PPP1R9A: variants seen among roughly 807,000 people sequenced by gnomAD.
PPP1R9A encodes the protein protein phosphatase 1 regulatory subunit 9A.
In PPP1R9A, 59 loss-of-function variants were observed where a neutral mutation model predicts 141.9. The observed-to-expected ratio is 0.42, with a 90% CI of 0.34 to 0.52. The LOEUF (loss-of-function observed/expected upper bound fraction) is 0.52. PPP1R9A is among the 20% of genes least tolerant of loss of function. The probability of loss-of-function intolerance (pLI) is 0.10; values close to 1 mark genes in which losing one functional copy is unlikely to be tolerated. For missense variants in PPP1R9A, 1,444 were observed against 1,611.9 expected, an observed-to-expected ratio of 0.90 and a Z score of 1.78; for synonymous variants, 500 against 569.7, an observed-to-expected ratio of 0.88 and a Z score of 1.74.
chr7:95,239,236 G>A (rs1056258861), intron 8 of PPP1R9A, among the ~76,000 whole-genome samples: 3 of 152,048 alleles, frequency 2.0e-5, no homozygotes, highest in Non-Finnish European at 4.4e-5. Flanking sequence ...GGTTATCTAT[G>A]TTGATGGCAT....
At chr7:95,122,638 G>T (rs911861169) in intron 4 of PPP1R9A, among the ~76,000 whole-genome samples, 21 of 152,270 alleles carry the variant, frequency 1.4e-4, no homozygotes, top group African/African-American at 5.1e-4. Flanking sequence ...CATAGAGAAG[G>T]TTTGAAATAA....
chr7:95,191,187 C>T (rs1835445108), intron 5 of PPP1R9A, among the ~76,000 whole-genome samples: 1 of 152,092 alleles, frequency 6.6e-6, no homozygotes, highest in Non-Finnish European at 1.5e-5. Flanking sequence ...GATACCTACA[C>T]TCCAAAGAAC....
chr7:95,246,149 T>C (rs1798089588), intron 8 of PPP1R9A, among the ~76,000 whole-genome samples: 1 of 152,160 alleles, frequency 6.6e-6, no homozygotes, highest in African/African-American at 2.4e-5. Context: ...GGTTCTTCCA[T>C]CTTCCCTTTA....
chr7:95,100,376 GT>G (rs1818602145), intron 2 of PPP1R9A, among the ~76,000 whole-genome samples: 1 of 152,166 alleles, frequency 6.6e-6, no homozygotes, highest in African/African-American at 2.4e-5. Context: ...TTTTGTATAT[GT>G]TTGAATATGA....
chr7:95,045,458 C>T (rs958929362), intron 2 of PPP1R9A, among the ~76,000 whole-genome samples: 1 of 152,204 alleles, frequency 6.6e-6, no homozygotes, highest in African/African-American at 2.4e-5. Context: ...GGTGAGCATG[C>T]GCAGTGTGTT....
At chr7:95,152,258 A>G (rs1828837072) in intron 4 of PPP1R9A, among the ~76,000 whole-genome samples, 1 of 152,128 alleles carries the variant, frequency 6.6e-6, no homozygotes, top group African/African-American at 2.4e-5. Flanking sequence ...CCTGAAAATC[A>G]TTCTGATGAG....
chr7:95,043,331 A>AAT (rs1161773285), intron 2 of PPP1R9A, among the ~76,000 whole-genome samples: 1 of 152,182 alleles, frequency 6.6e-6, no homozygotes, highest in South Asian at 2.1e-4. Context: ...CATTTCACTA[A>AAT]ATACCCTTGC....
intron 2 of PPP1R9A, among the ~76,000 whole-genome samples, chr7:94,953,358 G>A (rs1192979724): frequency 2.6e-5 from 4 of 152,148 alleles, no homozygotes; most frequent in Non-Finnish European, 5.9e-5. Flanking sequence ...TTTAGTTACT[G>A]TAGCCTTGTA....
intron 11 of PPP1R9A, 34 bp downstream of exon 11, chr7:95,251,892 G>T: frequency 2.5e-6 from 4 of 1,611,004 alleles, no homozygotes; most frequent in Non-Finnish European, 3.4e-6. Context: ...TAAATAATAA[G>T]ATGGTTTTGC....
At chr7:94,938,107 T>A (rs1412874164) in intron 2 of PPP1R9A, among the ~76,000 whole-genome samples, 1 of 152,136 alleles carries the variant, frequency 6.6e-6, no homozygotes, top group Non-Finnish European at 1.5e-5. Context: ...GCCTGTTAGA[T>A]ACTGGGCTGC....
intron 2 of PPP1R9A, among the ~76,000 whole-genome samples, chr7:95,015,269 C>CAT (rs777105703): frequency 1.3e-5 from 2 of 151,096 alleles, no homozygotes; most frequent in Non-Finnish European, 3.0e-5. Context: ...CATACATATA[C>CAT]ATATATATCT....
At chr7:95,063,253 G>A (rs1812488271) in intron 2 of PPP1R9A, among the ~76,000 whole-genome samples, 1 of 152,136 alleles carries the variant, frequency 6.6e-6, no homozygotes, top group Admixed American at 6.6e-5. Context: ...CCCTGTATAT[G>A]TGCCTTACTC....
At chr7:95,166,742 A>T in intron 5 of PPP1R9A, among the ~76,000 whole-genome samples, 1 of 152,216 alleles carries the variant, frequency 6.6e-6, no homozygotes, top group Non-Finnish European at 1.5e-5. Flanking sequence ...TTCCCAATGA[A>T]CACAGAGGCA....
intron 7 of PPP1R9A, among the ~76,000 whole-genome samples, chr7:95,215,016 C>T (rs954526082): frequency 6.6e-6 from 1 of 151,648 alleles, no homozygotes; most frequent in African/African-American, 2.4e-5. Flanking sequence ...TACATGTGCA[C>T]AATGTGCAGG....
At chr7:95,203,766 C>CT in intron 7 of PPP1R9A, 36 bp downstream of exon 7, 1 of 1,380,578 alleles carries the variant, frequency 7.2e-7, no homozygotes, top group South Asian at 1.3e-5. Flanking sequence ...CTTACCTGTA[C>CT]TTTCCTGCTT....
intron 2 of PPP1R9A, among the ~76,000 whole-genome samples, chr7:95,045,041 A>G (rs1293991555): frequency 1.3e-5 from 2 of 152,232 alleles, no homozygotes; most frequent in Middle Eastern, 6.8e-3. Flanking sequence ...GTCCTTAGAA[A>G]ATTAGGTAAG....
At position 95,269,659 on chromosome 7, in the gene PPP1R9A, C is replaced by G. The variant is rs3801922; in HGVS notation, c.3124+152C>G. 2.6e-3 allele frequency among the ~76,000 whole-genome samples: 390 copies of G among 152,164 alleles called. 12 individuals are homozygous for G. Among genetic ancestry groups the G allele is most frequent in the Admixed American group, 0.023 (349 of 15,272 alleles). ...TTATAGAATAAGAGAAACAACCCCT[C>G]CATGTATTTTACTTTAATTTAGTTT... On this transcript the variant is annotated intron_variant, in intron 14 of 19. Coordinates refer to ENST00000433360, the MANE Select transcript of PPP1R9A (RefSeq NM_001166160.2).
Position 95,113,831 on chromosome 7 carries a change from G to A in PPP1R9A, c.1528+2440G>A, listed in dbSNP as rs1820996758. ...AACAAAGAGCAGCTTGTTCAAAACA[G>A]CAAGGGCAAGGAAAAAAGAGGTGAA... On this transcript the variant is annotated intron_variant, in intron 3 of 19. Transcript: ENST00000433360. Among the ~76,000 whole-genome samples, 3 of 152,220 alleles carry A rather than the reference G, an allele frequency of 2.0e-5. No individual in the cohort carries two copies. The South Asian group carries it at 6.2e-4, about 32-fold the overall frequency.
chr7:95,190,008 G>A (rs760765699), intron 5 of PPP1R9A, among the ~76,000 whole-genome samples: 1 of 151,916 alleles, frequency 6.6e-6, no homozygotes, highest in Non-Finnish European at 1.5e-5. Context: ...GTATCTACTT[G>A]AGTAGTTTAG....
Sources: allele counts gnomAD v4.1 joint callset (sites outside exome capture counted in the v4.1 genomes callset), GRCh38; gene constraint gnomAD v4.1.1; transcripts MANE v1.5; gene names NCBI Gene and HGNC (gene_info 2026-07-23, HGNC 2026-07-21).